Variants in PCLO observed in about 807,000 individuals in gnomAD.
PCLO encodes the protein piccolo presynaptic cytomatrix protein.
PCLO carries 82 observed loss-of-function variants against 427.5 expected under a neutral mutation model. The ratio of observed to expected loss-of-function variants is 0.19; its 90% confidence interval spans 0.16 to 0.23. PCLO has a LOEUF of 0.23. Among genes scored for constraint, PCLO ranks in the 10% least tolerant of loss-of-function variants. PCLO has a pLI of 1.00. For missense variants in PCLO, 6,239 were observed against 6,115.9 expected (o/e 1.02, Z -0.67); for synonymous variants, 2,357 against 2,155.4 (o/e 1.09, Z -2.59).
intron 10 of PCLO, among the ~76,000 whole-genome samples, chr7:82,872,078 C>T (rs1562829498): frequency 6.6e-6 from 1 of 151,708 alleles, no homozygotes; most frequent in Non-Finnish European, 1.5e-5. Context: ...CTAAACAGTG[C>T]AACACATTTA....
rs762585900 is a variant in PCLO, at chr7:83,135,357, C to T, written c.2193G>A (p.Lys731=). Residue 731 remains lysine (K), a synonymous_variant, in exon 3 of 25, where the codon AAG becomes AAA. Transcript: ENST00000333891. ...KQPPEADSLS[K]PAPPKEPSVP... ...CAGAAGGTTCTTTGGGAGGGGCTGGCTTGGACAAAGAATCTGCCTCAGGGG... is the reference window on the plus strand; with the variant it reads ...CAGAAGGTTCTTTGGGAGGGGCTGGTTTGGACAAAGAATCTGCCTCAGGGG... The T allele has an allele frequency of 6.2e-7, 1 of 1,613,912 alleles. No individual in the cohort carries two copies. The highest frequency in any genetic ancestry group is 1.1e-5 in the South Asian group (1 of 91,082).
At chr7:83,033,295 T>C (rs1436735684) in intron 3 of PCLO, among the ~76,000 whole-genome samples, 1 of 152,176 alleles carries the variant, frequency 6.6e-6, no homozygotes, top group Non-Finnish European at 1.5e-5. Flanking sequence ...TTCTCACTAC[T>C]TGACATTAGC....
rs575646651 is a variant in PCLO at position 82,873,213 on chromosome 7, C to G, written c.13654+6124G>C. Reference sequence around the variant, plus strand: ...TTTTTTTTTTTTTGTACATTCGAACCTTTTTAATGAAAATTACAGGTCATC... The same window carrying G: ...TTTTTTTTTTTTTGTACATTCGAACGTTTTTAATGAAAATTACAGGTCATC... On this transcript the variant is annotated intron_variant, in intron 10 of 24. Coordinates refer to ENST00000333891, the MANE Select transcript of PCLO (RefSeq NM_033026.6). 1.8e-3 allele frequency among the ~76,000 whole-genome samples: 173 copies of G among 94,446 alleles called. 1 individual carries two copies. Among genetic ancestry groups the G allele is most frequent in the East Asian group, 0.015 (56 of 3,746 alleles). The allele number at this position is 94,446 out of a possible 152,430, so 62.0% of individuals were successfully genotyped here.
intron 4 of PCLO, among the ~76,000 whole-genome samples, chr7:82,964,620 T>C (rs949374672): frequency 3.3e-5 from 5 of 151,984 alleles, no homozygotes; most frequent in African/African-American, 9.6e-5. Flanking sequence ...AGAAGGAAAG[T>C]AGAGGGCCAT....
intron 3 of PCLO, among the ~76,000 whole-genome samples, chr7:83,122,684 A>T (rs1791319881): frequency 6.6e-6 from 1 of 152,180 alleles, no homozygotes; most frequent in Non-Finnish European, 1.5e-5. Context: ...ACACATTGGA[A>T]GAAAAGAAGT....
chr7:83,034,219 T>C (rs1404779522), intron 3 of PCLO, among the ~76,000 whole-genome samples: 1 of 152,188 alleles, frequency 6.6e-6, no homozygotes, highest in African/African-American at 2.4e-5. Context: ...TTTGTTTTGT[T>C]TTGTTTTGTG....
intron 22 of PCLO, among the ~76,000 whole-genome samples, chr7:82,763,499 T>TA (rs997121493): frequency 3.9e-5 from 6 of 152,094 alleles, no homozygotes; most frequent in African/African-American, 1.2e-4. Flanking sequence ...AGTAAAGTTG[T>TA]AAAAATATTA....
Position 82,951,283 on chromosome 7 carries a change from G to A in PCLO, c.9305C>T (p.Ala3102Val). Residue 3102 changes from alanine to valine, a missense_variant, in exon 6 of 25, where the codon GCT becomes GTT. Ala to Val is a moderately conservative substitution (Grantham distance 64, BLOSUM62 0). Around this residue, in one of 5 missense-constraint regions of PCLO, gnomAD observed 4,677 missense variants for 4,468.4 expected, o/e 1.05. Coordinates refer to ENST00000333891, the MANE Select transcript of PCLO (RefSeq NM_033026.6). ...SVATPTPSTF[A>V]ITTQPGSIFS... ...AATGGAGCCAGGTTGTGTGGTGATA[G>A]CAAATGTAGAGGGTGTTGGAGTTGC... 6.2e-7 allele frequency: 1 copy of A among 1,613,370 alleles called. No homozygotes were observed. The highest frequency in any genetic ancestry group is 1.7e-4 in the Middle Eastern group (1 of 6,058).
intron 3 of PCLO, among the ~76,000 whole-genome samples, chr7:83,040,454 C>T (rs918653414): frequency 2.0e-5 from 3 of 152,132 alleles, no homozygotes; most frequent in Admixed American, 6.6e-5. Flanking sequence ...TTTTCAACAA[C>T]GTCCTGGGGC....
chr7:83,095,876 G>A (rs1236405149), intron 3 of PCLO, among the ~76,000 whole-genome samples: 1 of 151,626 alleles, frequency 6.6e-6, no homozygotes, highest in African/African-American at 2.4e-5. Flanking sequence ...TTCCCTTGCC[G>A]CTTGAAAACT....
At chr7:82,873,924 T>C (rs1378239791) in intron 10 of PCLO, among the ~76,000 whole-genome samples, 10 of 152,078 alleles carry the variant, frequency 6.6e-5, no homozygotes, top group Admixed American at 6.5e-4. Flanking sequence ...CTAAAGTAAA[T>C]GTATGTAAAT....
chr7:82,815,781 T>C (rs1791665068), intron 20 of PCLO, among the ~76,000 whole-genome samples: 1 of 152,110 alleles, frequency 6.6e-6, no homozygotes, highest in African/African-American at 2.4e-5. Flanking sequence ...GCCATTACTT[T>C]CAATGGTAAA....
At chr7:82,943,995 A>G (rs1234777476) in intron 6 of PCLO, among the ~76,000 whole-genome samples, 1 of 151,654 alleles carries the variant, frequency 6.6e-6, no homozygotes, top group Non-Finnish European at 1.5e-5. Flanking sequence ...AAAGCACAAA[A>G]AATTAGCTGG....
chr7:82,953,227 G>C lies in PCLO; in HGVS notation c.7726C>G (p.Leu2576Val), dbSNP rs900249023. ...GTAATAACTACATAAGTTTCTGTGA[G>C]GGATTTGGAAAATCTTGGTGAAGAC... ...NKSSPRFSKSLTETYVVITLP... is the reference protein window; with the variant it reads ...NKSSPRFSKSVTETYVVITLP... Residue 2576 changes from leucine (L) to valine (V), a missense_variant, in exon 5 of 25, where the codon CTC (leucine) becomes GTC (valine). Leu to Val is a conservative substitution (Grantham distance 32, BLOSUM62 1). This residue lies in a region of PCLO where 4,677 missense variants were observed against 4,468.4 expected (regional missense o/e 1.05). Coordinates refer to ENST00000333891, the MANE Select transcript of PCLO (RefSeq NM_033026.6). 1.2e-6 allele frequency: 2 copies of C among 1,613,820 alleles called. No individual in the cohort carries two copies. The highest frequency in any genetic ancestry group is 1.7e-6 in the Non-Finnish European group (2 of 1,179,868).
chr7:82,893,023 C>T (rs1793809417), intron 9 of PCLO, among the ~76,000 whole-genome samples: 1 of 152,148 alleles, frequency 6.6e-6, no homozygotes. Context: ...GGTGATTCCT[C>T]AGGGATCTAG....
intron 6 of PCLO, among the ~76,000 whole-genome samples, chr7:82,938,436 T>C (rs1485984975): frequency 1.3e-5 from 2 of 152,012 alleles, no homozygotes; most frequent in East Asian, 3.9e-4. Flanking sequence ...AAGGTACAGA[T>C]GGCCTCCTTT....
intron 22 of PCLO, among the ~76,000 whole-genome samples, chr7:82,765,052 A>C (rs1186308118): frequency 6.6e-6 from 1 of 151,934 alleles, no homozygotes; most frequent in Non-Finnish European, 1.5e-5. Context: ...TGGGTTCTAT[A>C]AAATGAAGCT....
At chr7:82,920,178 A>G (rs1424707073) in intron 6 of PCLO, among the ~76,000 whole-genome samples, 6 of 151,910 alleles carry the variant, frequency 3.9e-5, no homozygotes, top group Non-Finnish European at 8.8e-5. Context: ...TCAATATAAC[A>G]TAAAATAAGA....
chr7:82,987,561 T>A (rs1472691299), intron 3 of PCLO, among the ~76,000 whole-genome samples: 1 of 152,002 alleles, frequency 6.6e-6, no homozygotes, highest in Non-Finnish European at 1.5e-5. Flanking sequence ...TACTTTGGCA[T>A]CAAGCAGTAG....
Sources: gnomAD v4.1 joint callset for allele counts (sites outside exome capture counted in the v4.1 genomes callset) on GRCh38, gnomAD v4.1.1 for gene constraint, gnomAD v4.1.1 regional missense constraint, MANE v1.5 for transcripts, NCBI Gene and HGNC (gene_info 2026-07-23, HGNC 2026-07-21) for gene names.